SLX9: variants seen among roughly 807,000 people sequenced by gnomAD.
SLX9 encodes ribosome biogenesis protein SLX9 homolog.
SLX9 carries 19 observed loss-of-function variants against 20.8 expected under a neutral mutation model. The ratio of observed to expected loss-of-function variants is 0.91; its 90% CI spans 0.64 to 1.34. The LOEUF is 1.34. SLX9 is among the 40% of genes most tolerant of loss of function. The pLI, the probability that SLX9 is intolerant of heterozygous loss-of-function variation, is 0.00. For synonymous variants in SLX9, 113 were observed against 137.1 expected (o/e 0.82, Z 1.23); for missense variants, 299 against 322.2 (o/e 0.93, Z 0.55).
intron 2 of SLX9, among the ~76,000 whole-genome samples, chr21:44,959,460 C>T (rs934423963): frequency 1.3e-5 from 2 of 152,202 alleles, no homozygotes; most frequent in Admixed American, 6.5e-5. Flanking sequence ...CTCATCCCAC[C>T]CCTGCCCCTG....
chr21:44,939,809 A>T, upstream of SLX9: 1 of 555,256 alleles, frequency 1.8e-6, no homozygotes, highest in East Asian at 3.3e-5. Flanking sequence ...CACGATCTAG[A>T]CAGAAACTCG....
In SLX9 at chr21:44,959,521, G is replaced by A. The variant is rs138515129; in HGVS notation, c.284-579G>A. Among the ~76,000 whole-genome samples the A allele has an allele frequency of 9.7e-3, 1,484 of 152,306 alleles. 34 individuals are homozygous for A. Among genetic ancestry groups the A allele is most frequent in the African/African-American group, 0.033 (1,390 of 41,560 alleles). On this transcript the variant is annotated intron_variant, in intron 2 of 5. Coordinates refer to ENST00000291634, the MANE Select transcript of SLX9 (RefSeq NM_058190.4). Reference sequence around the variant, plus strand: ...CCCCGCCCACCGGGCAGGTGGCTGGGCTCCGCGTGGACCAAGCACAGGGGC... The same window carrying A: ...CCCCGCCCACCGGGCAGGTGGCTGGACTCCGCGTGGACCAAGCACAGGGGC...
chr21:44,966,245 G>A (rs989986174), intron 3 of SLX9, among the ~76,000 whole-genome samples: 2 of 152,130 alleles, frequency 1.3e-5, no homozygotes, highest in African/African-American at 4.8e-5. Flanking sequence ...AGAGGAGCTG[G>A]CTGTTGTCAC....
Position 44,976,946 on chromosome 21 carries a change from T to G in SLX9, c.*143T>G. ...GGGCTCAATAAATGGCTCTGTGAAC[T>G]TCCCCTGCACTGCCAGGGCCGTTCC... is the stretch of plus-strand genomic sequence containing the variant. On this transcript the variant is annotated 3_prime_UTR_variant, in exon 6 of 6. Transcript: ENST00000291634. 1.7e-6 allele frequency: 2 copies of G among 1,185,264 alleles called. No homozygotes were observed. Among genetic ancestry groups the G allele is most frequent in the Non-Finnish European group, 2.4e-6 (2 of 848,852 alleles). The allele number at this position is 1,185,264 out of a possible 1,614,324, so 73.4% of individuals were successfully genotyped here.
chr21:44,976,705 G>T lies in SLX9; in HGVS notation c.595G>T (p.Glu199Ter), dbSNP rs763349141. ...LLEEERTRFQ[E>*]LLASPAYRAS... Reference sequence around the variant, plus strand: ...CGAGGAAGAAAGGACCCGGTTTCAGGAGCTGCTGGCCAGTCCGGCCTACAG... The same window carrying T: ...CGAGGAAGAAAGGACCCGGTTTCAGTAGCTGCTGGCCAGTCCGGCCTACAG... Residue 199 changes from glutamate to a stop codon, truncating the protein, a stop_gained, in exon 6 of 6, where the codon GAG (glutamate) becomes TAG (stop). Coordinates refer to ENST00000291634, the MANE Select transcript of SLX9 (RefSeq NM_058190.4). LOFTEE classifies it high-confidence loss of function. 19 of 1,578,942 alleles carry T rather than the reference G, an allele frequency of 1.2e-5. No homozygotes were observed. The highest frequency in any genetic ancestry group is 1.4e-5 in the Non-Finnish European group (16 of 1,163,000).
chr21:44,963,390 TA>T (rs201436398), intron 3 of SLX9, among the ~76,000 whole-genome samples: 24 of 149,644 alleles, frequency 1.6e-4, no homozygotes, highest in African/African-American at 4.7e-4. Flanking sequence ...TTTTTTTTTT[TA>T]AATAAACGAG....
rs116444453 is a variant in SLX9, at chr21:44,967,813, C to T, written c.500+632C>T. On this transcript the variant is annotated intron_variant, in intron 4 of 5. Coordinates refer to ENST00000291634, the MANE Select transcript of SLX9 (RefSeq NM_058190.4). The stretch of plus-strand genomic sequence containing the variant: ...TGTCCTCATGGGGCGGGAGCTGCCT[C>T]GTGCGTCCTCCCCAGGAGGGACGGG... Among the ~76,000 whole-genome samples the T allele has an allele frequency of 7.0e-3, 1,070 of 152,322 alleles. 13 individuals are homozygous for T. The highest frequency in any genetic ancestry group is 0.024 in the African/African-American group (1,012 of 41,576).
chr21:44,940,302 C>A (rs563897520), intron 1 of SLX9, 116 bp downstream of exon 1: 3 of 1,173,452 alleles, frequency 2.6e-6, no homozygotes, highest in African/African-American at 3.2e-5. Flanking sequence ...GCTCTGCGGG[C>A]ATTTGCTGCG....
intron 2 of SLX9, among the ~76,000 whole-genome samples, chr21:44,945,186 A>G (rs1461530770): frequency 6.6e-6 from 1 of 152,224 alleles, no homozygotes; most frequent in Non-Finnish European, 1.5e-5. Context: ...CTGTGCCTCT[A>G]GAAAGATCCA....
chr21:44,963,367 C>A (rs2084979970), intron 3 of SLX9, among the ~76,000 whole-genome samples: 1 of 128,650 alleles, frequency 7.8e-6, no homozygotes, highest in South Asian at 2.7e-4. Flanking sequence ...GGATTACAGG[C>A]GTGAGAACTT....
intron 5 of SLX9, among the ~76,000 whole-genome samples, chr21:44,975,719 C>T (rs1218686938): frequency 2.0e-5 from 3 of 152,244 alleles, no homozygotes; most frequent in Non-Finnish European, 4.4e-5. Flanking sequence ...CCTGACTTTA[C>T]GGGGACAGCC....
Position 44,959,883 on chromosome 21 carries a change from G to T in SLX9, c.284-217G>T, listed in dbSNP as rs2084923478. On this transcript the variant is annotated intron_variant, in intron 2 of 5. Coordinates refer to ENST00000291634, the MANE Select transcript of SLX9 (RefSeq NM_058190.4). ...GGTGAGTGGCCAGGCCATCACTGCG[G>T]GGGGACGCTGCTGAGAGAGCCTCCT... 2.0e-5 allele frequency among the ~76,000 whole-genome samples: 3 copies of T among 152,202 alleles called. No homozygotes were observed. The South Asian group carries it at 6.2e-4, about 32-fold the overall frequency.
In SLX9 at chr21:44,952,012, G is replaced by A. The variant is rs924937944; in HGVS notation, c.284-8088G>A. Among the ~76,000 whole-genome samples the A allele has an allele frequency of 4.1e-5, 6 of 147,712 alleles. 1 individual carries two copies. The highest frequency in any genetic ancestry group is 8.1e-5 in the African/African-American group (3 of 37,116). On this transcript the variant is annotated intron_variant, in intron 2 of 5. Coordinates refer to ENST00000291634, the MANE Select transcript of SLX9 (RefSeq NM_058190.4). ...GTGGCGGCGACTGGGTACACGTGTC[G>A]TGGGCACAGTGCAGCAGGCTAAGCC...
At chr21:44,976,502 CGAG>C (rs2085265563) in intron 5 of SLX9, among the ~76,000 whole-genome samples, 175 bp from the exon 6 acceptor site, 1 of 152,208 alleles carries the variant, frequency 6.6e-6, no homozygotes, top group Non-Finnish European at 1.5e-5. Flanking sequence ...CACGTGGCCA[CGAG>C]GAGGGCCCGG....
intron 3 of SLX9, among the ~76,000 whole-genome samples, chr21:44,964,260 A>G (rs1407642915): frequency 6.6e-6 from 1 of 152,210 alleles, no homozygotes; most frequent in Non-Finnish European, 1.5e-5. Flanking sequence ...ATCATGCATT[A>G]GGTCTGGTAG....
intron 4 of SLX9, among the ~76,000 whole-genome samples, chr21:44,967,757 T>C (rs1243001571): frequency 2.6e-5 from 4 of 152,162 alleles, no homozygotes; most frequent in Admixed American, 6.5e-5. Flanking sequence ...GACCCACTCA[T>C]GCAGGGCCCT....
At chr21:44,964,632 A>G (rs2085001989) in intron 3 of SLX9, among the ~76,000 whole-genome samples, 1 of 152,192 alleles carries the variant, frequency 6.6e-6, no homozygotes, top group Admixed American at 6.5e-5. Context: ...GAGGGTGGGT[A>G]GTTGGAACCA....
chr21:44,964,897 G>A (rs12482086), intron 3 of SLX9, among the ~76,000 whole-genome samples: 60,098 of 151,956 alleles, frequency 0.4, 14,333 homozygotes, highest in South Asian at 0.64. Flanking sequence ...GGAACAGTGT[G>A]AGAGGGACTC....
Position 44,943,725 on chromosome 21 carries a change from G to A in SLX9, c.171G>A (p.Lys57=), listed in dbSNP as rs1021050291. ...ACACCAACATCTTTGCCAGGACCAA[G>A]ATAGACCCCAGCGCCTTGGTGCAGA... ...FINTNIFART[K]IDPSALVQKL... is the part of the protein sequence containing the mutation. Residue 57 remains lysine, a synonymous_variant, in exon 2 of 6, where the codon AAG becomes AAA. Transcript: ENST00000291634. 3.7e-6 allele frequency: 6 copies of A among 1,614,098 alleles called. No homozygotes were observed. In the African/African-American group the frequency reaches 6.7e-5, roughly 18 times the overall value.
Sources: allele counts gnomAD v4.1 joint callset (sites outside exome capture counted in the v4.1 genomes callset), GRCh38; gene constraint gnomAD v4.1.1; transcripts MANE v1.5; gene names NCBI Gene and HGNC (gene_info 2026-07-23, HGNC 2026-07-21).